The following ADAM22 variants were observed in gnomAD, a reference collection of about 807,000 sequenced individuals.
ADAM22 encodes disintegrin and metalloproteinase domain-containing protein 22.
ADAM22 carries 65 observed loss-of-function variants against 144.6 expected under a neutral mutation model. The observed-to-expected ratio is 0.45, with a 90% confidence interval of 0.37 to 0.55. The LOEUF (loss-of-function observed/expected upper bound fraction) is 0.55. Among genes scored for constraint, ADAM22 ranks in the 20% least tolerant of loss-of-function variants. The probability of loss-of-function intolerance (pLI) is 0.00; values close to 1 mark genes in which losing one functional copy is unlikely to be tolerated. For synonymous variants in ADAM22, 391 were observed against 412.6 expected, an observed-to-expected ratio of 0.95 and a Z score of 0.63; for missense variants, 974 against 1,184.9, an observed-to-expected ratio of 0.82 and a Z score of 2.61.
intron 3 of ADAM22, among the ~76,000 whole-genome samples, chr7:88,038,117 T>C (rs1266272348): frequency 6.6e-6 from 1 of 152,174 alleles, no homozygotes; most frequent in Non-Finnish European, 1.5e-5. Flanking sequence ...CTAGCTCAGT[T>C]CCTGACAAGT....
intron 4 of ADAM22, among the ~76,000 whole-genome samples, chr7:88,097,392 C>T (rs1289534890): frequency 6.6e-6 from 1 of 151,748 alleles, no homozygotes; most frequent in Non-Finnish European, 1.5e-5. Context: ...AAGCGACCCA[C>T]CCGCCTCAGT....
chr7:87,992,344 G>A (rs1227114342), intron 3 of ADAM22, among the ~76,000 whole-genome samples: 1 of 152,140 alleles, frequency 6.6e-6, no homozygotes, highest in South Asian at 2.1e-4. Flanking sequence ...TTGGGGCCTA[G>A]GGAAGGTGTT....
At chr7:88,026,843 T>C (rs769690198) in intron 3 of ADAM22, among the ~76,000 whole-genome samples, 14 of 152,204 alleles carry the variant, frequency 9.2e-5, no homozygotes, top group Non-Finnish European at 1.6e-4. Flanking sequence ...TTCCATTCAG[T>C]ATGGTACTAA....
At chr7:87,958,567 G>A (rs1453630251) in intron 2 of ADAM22, among the ~76,000 whole-genome samples, 2 of 151,916 alleles carry the variant, frequency 1.3e-5, no homozygotes, top group African/African-American at 4.8e-5. Flanking sequence ...TGTATTTTTA[G>A]TAGAGATGGG....
intron 30 of ADAM22, 129 bp downstream of exon 30, chr7:88,186,830 A>G: frequency 1.6e-6 from 1 of 610,872 alleles, no homozygotes; most frequent in East Asian, 2.9e-5. Flanking sequence ...GTCCTTGTTT[A>G]TTTGCTGCCT....
intron 3 of ADAM22, among the ~76,000 whole-genome samples, chr7:88,065,703 T>C (rs935672784): frequency 1.8e-4 from 27 of 152,106 alleles, no homozygotes; most frequent in African/African-American, 5.6e-4. Context: ...ATTGTAAATT[T>C]TGGGATCTTA....
At position 88,096,474 on chromosome 7, in the gene ADAM22, GT is replaced by G. The variant is rs201422229; in HGVS notation, c.391-11693del. Among the ~76,000 whole-genome samples, 114 of 149,354 alleles carry G rather than the reference GT, an allele frequency of 7.6e-4. 1 individual carries two copies. The South Asian group carries it at 8.8e-3, about 12-fold the overall frequency. ...CAGCATCCTAAAGCTCTGCTACATAGTTTTTTTTTGCTGTTGTCCACACACA... is the reference window on the plus strand; with the variant it reads ...CAGCATCCTAAAGCTCTGCTACATAGTTTTTTTTGCTGTTGTCCACACACA... On this transcript the variant is annotated intron_variant, in intron 4 of 31. Coordinates refer to ENST00000413139, the MANE Select transcript of ADAM22 (RefSeq NM_001324418.2).
chr7:87,951,654 G>A (rs2131404591), intron 2 of ADAM22, among the ~76,000 whole-genome samples: 1 of 82,510 alleles, frequency 1.2e-5, no homozygotes, highest in South Asian at 3.5e-4. Context: ...GAACTTTAAA[G>A]TAGTTTTTCC....
chr7:88,201,256 G>A lies in ADAM22; in HGVS notation c.*4765G>A, dbSNP rs549864775. ...CCTTTATATCCCTAGGATGCTCTAG[G>A]GAGTAGAGGTGGCAGGCATCTTTAT... On this transcript the variant is annotated 3_prime_UTR_variant, in exon 32 of 32. Transcript: ENST00000413139. 6.6e-6 allele frequency: 1 copy of A among 152,292 alleles called. No individual in the cohort carries two copies. The highest frequency in any genetic ancestry group is 1.9e-4 in the East Asian group (1 of 5,194). The allele number at this position is 152,292 out of a possible 1,614,324, so 9.4% of individuals were successfully genotyped here.
rs770538398 is a variant in ADAM22, at chr7:88,165,914, A to G, written c.2159A>G (p.Asp720Gly). Residue 720 changes from aspartate (D) to glycine (G), a missense_variant, in exon 24 of 32, where the codon GAT (aspartate) becomes GGT (glycine). Asp to Gly is a moderately conservative substitution (Grantham distance 94). This residue lies in a region of ADAM22 where 734 missense variants were observed against 950.6 expected (regional missense o/e 0.77). Transcript: ENST00000413139. ...AACACTTACTTCCCTCACAATGATGATGCAAAGACTGGTATCACTCTGTCT... is the reference window on the plus strand; with the variant it reads ...AACACTTACTTCCCTCACAATGATGGTGCAAAGACTGGTATCACTCTGTCT... ...DCNTYFPHND[D>G]AKTGITLSGN... 5 of 1,611,664 alleles carry G rather than the reference A, an allele frequency of 3.1e-6. No homozygotes were observed. The highest frequency in any genetic ancestry group is 1.1e-5 in the South Asian group (1 of 90,968).
chr7:88,046,325 G>A (rs533105113), intron 3 of ADAM22, among the ~76,000 whole-genome samples: 3 of 152,144 alleles, frequency 2.0e-5, no homozygotes, highest in Admixed American at 6.5e-5. Context: ...TATTAATGAT[G>A]TTGAGTATTT....
intron 2 of ADAM22, among the ~76,000 whole-genome samples, chr7:87,965,648 T>TATCTGA (rs1385375285): frequency 6.6e-6 from 1 of 152,226 alleles, no homozygotes; most frequent in African/African-American, 2.4e-5. Context: ...TTAGTAAAAG[T>TATCTGA]GAGCCTTTAC....
rs188345100 is a variant in ADAM22 at position 87,954,472 on chromosome 7, C to T, written c.246+19286C>T. Among the ~76,000 whole-genome samples the T allele has an allele frequency of 3.2e-3, 482 of 152,218 alleles. 3 individuals carry two copies. Among genetic ancestry groups the T allele is most frequent in the African/African-American group, 0.011 (457 of 41,526 alleles). On this transcript the variant is annotated intron_variant, in intron 2 of 31. Transcript: ENST00000413139. ...TTTTAAGAATGTTGAATAGTGGCCC[C>T]CACTCTCTTCTGGCTTGTAGAGTTT...
At chr7:88,166,755 A>G (rs1843031251) in intron 24 of ADAM22, among the ~76,000 whole-genome samples, 1 of 152,186 alleles carries the variant, frequency 6.6e-6, no homozygotes, top group Non-Finnish European at 1.5e-5. Context: ...TAGTCTTAGC[A>G]GTGGTAGTGT....
chr7:88,153,277 A>G lies in ADAM22; in HGVS notation c.1738A>G (p.Lys580Glu). ...GAAACTGAATATTGAAGGGACGGAGAAGGGTAACTGTGGGAAAGACAAAGA... is the reference window on the plus strand; with the variant it reads ...GAAACTGAATATTGAAGGGACGGAGGAGGGTAACTGTGGGAAAGACAAAGA... ...YEKLNIEGTE[K>E]GNCGKDKDTW... is the part of the protein sequence containing the mutation. Residue 580 changes from lysine (K) to glutamate (E), a missense_variant, in exon 21 of 32, where the codon AAG (lysine) becomes GAG (glutamate). By Grantham distance (56) the Lys-to-Glu change is moderately conservative (BLOSUM62 1). This residue lies in a region of ADAM22 where 734 missense variants were observed against 950.6 expected (regional missense o/e 0.77). Coordinates refer to ENST00000413139, the MANE Select transcript of ADAM22 (RefSeq NM_001324418.2). 1 of 1,613,510 alleles carries G rather than the reference A, an allele frequency of 6.2e-7. No individual in the cohort carries two copies. Among genetic ancestry groups the G allele is most frequent in the Non-Finnish European group, 8.5e-7 (1 of 1,179,666 alleles).
At chr7:87,974,494 G>C (rs1851410671) in intron 2 of ADAM22, among the ~76,000 whole-genome samples, 1 of 152,116 alleles carries the variant, frequency 6.6e-6, no homozygotes, top group Non-Finnish European at 1.5e-5. Flanking sequence ...GAGAAGTCCT[G>C]TGTTTTGGGT....
At chr7:88,145,271 G>A in intron 16 of ADAM22, 75 bp downstream of exon 16, 1 of 1,528,216 alleles carries the variant, frequency 6.5e-7, no homozygotes, top group South Asian at 1.2e-5. Flanking sequence ...TGAGATGTAT[G>A]GAGCAAATGT....
chr7:88,185,322 G>A (rs910929367), intron 29 of ADAM22, among the ~76,000 whole-genome samples: 8 of 152,028 alleles, frequency 5.3e-5, no homozygotes, highest in South Asian at 2.1e-4. Flanking sequence ...ATAGTACCTC[G>A]ATTATGGCTA....
chr7:88,137,313 A>G (rs1833238220), intron 14 of ADAM22, among the ~76,000 whole-genome samples: 1 of 152,190 alleles, frequency 6.6e-6, no homozygotes, highest in Non-Finnish European at 1.5e-5. Context: ...TGTCTAAAGA[A>G]TGTGGTTCAT....
Sources: gnomAD v4.1 joint callset for allele counts (sites outside exome capture counted in the v4.1 genomes callset) on GRCh38, gnomAD v4.1.1 for gene constraint, gnomAD v4.1.1 regional missense constraint, MANE v1.5 for transcripts, NCBI Gene and HGNC (gene_info 2026-07-23, HGNC 2026-07-21) for gene names.